The following ABLIM2 variants were observed in gnomAD, a reference collection of about 807,000 sequenced individuals.
The protein encoded by ABLIM2 is actin binding LIM protein family member 2, also known as actin-binding LIM protein 2.
A neutral mutation model predicts 97.7 loss-of-function variants in ABLIM2; 53 were observed. The ratio of observed to expected loss-of-function variants is 0.54; its 90% CI spans 0.44 to 0.68. The LOEUF is 0.68. Ranked by LOEUF, ABLIM2 falls within the 30% of genes least tolerant of loss-of-function variation. ABLIM2 has a pLI of 0.00. For synonymous variants in ABLIM2, 361 were observed against 345.8 expected, an observed-to-expected ratio of 1.04 and a Z score of -0.49; for missense variants, 835 against 867.2, an observed-to-expected ratio of 0.96 and a Z score of 0.47.
intron 20 of ABLIM2, among the ~76,000 whole-genome samples, chr4:7,976,447 C>T (rs1175979037): frequency 6.6e-6 from 1 of 152,194 alleles, no homozygotes; most frequent in Non-Finnish European, 1.5e-5. Context: ...TTTTCAATTG[C>T]ACACCTGGTC....
intron 12 of ABLIM2, among the ~76,000 whole-genome samples, chr4:8,026,549 G>T (rs1163881046): frequency 6.6e-6 from 1 of 152,256 alleles, no homozygotes; most frequent in Non-Finnish European, 1.5e-5. Flanking sequence ...GGCCTGGGAG[G>T]CTTTTCCAGA....
intron 1 of ABLIM2, among the ~76,000 whole-genome samples, chr4:8,121,843 C>A (rs1845621094): frequency 6.6e-6 from 1 of 152,160 alleles, no homozygotes; most frequent in African/African-American, 2.4e-5. Flanking sequence ...TCTTTCAGTT[C>A]CTGTGTCCAG....
intron 14 of ABLIM2, 96 bp from the exon 15 acceptor site, chr4:8,009,198 AAATC>A (rs1464059839): frequency 8.8e-6 from 13 of 1,482,414 alleles, no homozygotes; most frequent in Admixed American, 3.4e-5. Context: ...CAAAAATGAA[AAATC>A]AATCAAAGAG....
chr4:7,991,034 C>T (rs550671227), intron 17 of ABLIM2, among the ~76,000 whole-genome samples: 11 of 152,352 alleles, frequency 7.2e-5, no homozygotes, highest in African/African-American at 1.4e-4. Context: ...CTCTCCTTCC[C>T]ACCCCTTAGT....
rs559332072 is a variant in ABLIM2, at chr4:8,075,586, G to A, written c.675+2042C>T. On this transcript the variant is annotated intron_variant, in intron 6 of 20. Coordinates refer to ENST00000447017, the MANE Select transcript of ABLIM2 (RefSeq NM_001130083.2). The surrounding 1 kb of genome is among the most constrained non-coding windows in gnomAD (Gnocchi z 4.4). ...CGCACACCTGTAGTCCCAGCTGGTCGGGAGGCTGAGGTGGAAGGATCACTT... is the reference window on the plus strand; with the variant it reads ...CGCACACCTGTAGTCCCAGCTGGTCAGGAGGCTGAGGTGGAAGGATCACTT... 1.1e-4 allele frequency among the ~76,000 whole-genome samples: 16 copies of A among 152,210 alleles called. No homozygotes were observed. The highest frequency in any genetic ancestry group is 1.9e-4 in the East Asian group (1 of 5,166).
At position 8,123,889 on chromosome 4, in the gene ABLIM2, C is replaced by T. The variant is rs530465102; in HGVS notation, c.11-17252G>A. ...GGATCCTTGCTAACCTCTGGAGACACGGTTCCTTTGGGTTCAATGACAAAA... is the reference window on the plus strand; with the variant it reads ...GGATCCTTGCTAACCTCTGGAGACATGGTTCCTTTGGGTTCAATGACAAAA... On this transcript the variant is annotated intron_variant, in intron 1 of 20. Coordinates refer to ENST00000447017, the MANE Select transcript of ABLIM2 (RefSeq NM_001130083.2). This position sits in a 1 kb window ranked among gnomAD's most constrained non-coding sequence, Gnocchi z 6.2. Among the ~76,000 whole-genome samples the T allele has an allele frequency of 5.8e-4, 89 of 152,262 alleles. No homozygotes were observed. Among genetic ancestry groups the T allele is most frequent in the African/African-American group, 1.9e-3 (77 of 41,558 alleles).
chr4:8,056,975 G>T (rs59329052), intron 7 of ABLIM2, among the ~76,000 whole-genome samples: 4,707 of 142,044 alleles, frequency 0.033, 278 homozygotes, highest in African/African-American at 0.12. Flanking sequence ...ACATTTCCCA[G>T]TTAATTAAAT....
At chr4:8,139,105 G>C (rs1850582580) in intron 1 of ABLIM2, among the ~76,000 whole-genome samples, 1 of 152,188 alleles carries the variant, frequency 6.6e-6, no homozygotes, top group Non-Finnish European at 1.5e-5. Context: ...CTGAGGGCAG[G>C]AGAATTGCTT....
intron 5 of ABLIM2, among the ~76,000 whole-genome samples, chr4:8,078,044 T>C (rs73074101): frequency 0.027 from 4,091 of 152,342 alleles, 171 homozygotes; most frequent in African/African-American, 0.087. Flanking sequence ...CTCTTCTTTC[T>C]GGCTCCTTCC....
chr4:8,052,548 A>T (rs1796691788), intron 8 of ABLIM2, among the ~76,000 whole-genome samples: 1 of 152,230 alleles, frequency 6.6e-6, no homozygotes, highest in South Asian at 2.1e-4. Context: ...AAAAGGGCAG[A>T]CTTCCCCTGG....
chr4:8,137,193 G>A (rs111861298), intron 1 of ABLIM2, among the ~76,000 whole-genome samples: 3 of 152,298 alleles, frequency 2.0e-5, no homozygotes, highest in African/African-American at 7.2e-5. Flanking sequence ...CACTGACCTG[G>A]GCACTCCTCA....
intron 1 of ABLIM2, among the ~76,000 whole-genome samples, chr4:8,157,339 C>T (rs1441931350): frequency 6.6e-6 from 1 of 152,246 alleles, no homozygotes; most frequent in African/African-American, 2.4e-5. Context: ...TCCCCACCTG[C>T]CATTAGATAA....
chr4:7,998,711 G>A lies in ABLIM2; in HGVS notation c.1619-5784C>T. 2.0e-6 allele frequency: 1 copy of A among 496,312 alleles called. No homozygotes were observed. Among genetic ancestry groups the A allele is most frequent in the Admixed American group, 2.1e-5 (1 of 48,570 alleles). The allele number at this position is 496,312 out of a possible 1,614,324, so 30.7% of individuals were successfully genotyped here. A position where few individuals can be genotyped will look rare whatever the true frequency, so the allele number is the denominator to read the frequency against. On this transcript the variant is annotated intron_variant, in intron 16 of 20. Coordinates refer to ENST00000447017, the MANE Select transcript of ABLIM2 (RefSeq NM_001130083.2). The surrounding 1 kb of genome is among the most constrained non-coding windows in gnomAD (Gnocchi z 6.4). The stretch of plus-strand genomic sequence containing the variant: ...AGTCTGCAGGTCTGGGCCACCTCCT[G>A]CCACTGCATGGGAGGCTGGGAGTCT...
rs2292737 is a variant in ABLIM2, at chr4:7,966,553, C to T, written c.*437G>A. The T allele has an allele frequency of 0.26, 42,417 of 165,306 alleles. 6,404 individuals carry two copies. The highest frequency in any genetic ancestry group is 0.65 in the East Asian group (3,778 of 5,786). 10.2% of individuals were successfully genotyped at this position (165,306 alleles called of 1,614,324 possible). ...CTGTGAGGCCAGGCTGCCCAGGCTCCGAAGGGCCGTGTGCCCACCCCCGAT... is the reference window on the plus strand; with the variant it reads ...CTGTGAGGCCAGGCTGCCCAGGCTCTGAAGGGCCGTGTGCCCACCCCCGAT... On this transcript the variant is annotated 3_prime_UTR_variant, in exon 21 of 21. Coordinates refer to ENST00000447017, the MANE Select transcript of ABLIM2 (RefSeq NM_001130083.2).
intron 9 of ABLIM2, among the ~76,000 whole-genome samples, chr4:8,037,140 ATTTG>A (rs1365410141): frequency 6.6e-6 from 1 of 152,076 alleles, no homozygotes; most frequent in African/African-American, 2.4e-5. Flanking sequence ...ATATTATTTT[ATTTG>A]TATTATTTTT....
chr4:8,148,603 G>GCAGTGCCGGGCCCCAGCA lies in ABLIM2; in HGVS notation c.10+10076_10+10077insTGCTGGGGCCCGGCACTG, dbSNP rs142331772. Among the ~76,000 whole-genome samples the GCAGTGCCGGGCCCCAGCA allele has an allele frequency of 6.6e-6, 1 of 152,064 alleles. No homozygotes were observed. The highest frequency in any genetic ancestry group is 2.4e-5 in the African/African-American group (1 of 41,366). On this transcript the variant is annotated intron_variant, in intron 1 of 20. Transcript: ENST00000447017. The surrounding 1 kb of genome is among the most constrained non-coding windows in gnomAD (Gnocchi z 6.7). Reference sequence around the variant, plus strand: ...AAGGATTATAGGGTGAAAGCACATCGCGGTGCTGGGTCCACACTGGGGAAG... The same window carrying GCAGTGCCGGGCCCCAGCA: ...AAGGATTATAGGGTGAAAGCACATCGCAGTGCCGGGCCCCAGCACGGTGCTGGGTCCACACTGGGGAAG...
intron 3 of ABLIM2, among the ~76,000 whole-genome samples, chr4:8,090,889 C>A (rs893279700): frequency 6.6e-6 from 1 of 152,020 alleles, no homozygotes; most frequent in African/African-American, 2.4e-5. Flanking sequence ...CTGCTGGGGG[C>A]TTCTGGGCTG....
intron 1 of ABLIM2, among the ~76,000 whole-genome samples, chr4:8,157,976 G>C (rs575537204): frequency 1.9e-4 from 29 of 152,262 alleles, no homozygotes; most frequent in Non-Finnish European, 2.8e-4. Context: ...CCAGTTCTAG[G>C]TCTCAGTTTC....
chr4:7,983,491 T>C, intron 19 of ABLIM2, 56 bp downstream of exon 19: 2 of 1,608,692 alleles, frequency 1.2e-6, no homozygotes, highest in Non-Finnish European at 1.7e-6. Context: ...AAAGGACTTT[T>C]AACCTGGGCA....
Sources: gnomAD v4.1 joint callset for allele counts (sites outside exome capture counted in the v4.1 genomes callset) on GRCh38, gnomAD v4.1.1 for gene constraint, Gnocchi (gnomAD v3.1) non-coding constraint, MANE v1.5 for transcripts, NCBI Gene and HGNC (gene_info 2026-07-23, HGNC 2026-07-21) for gene names.